LRRTM4: variants seen among roughly 807,000 people sequenced by gnomAD.
The protein encoded by LRRTM4 is leucine rich repeat transmembrane neuronal 4.
Under a neutral mutation model 47.6 loss-of-function variants are expected in LRRTM4, and 25 were observed. The ratio of observed to expected loss-of-function variants is 0.53; its 90% confidence interval spans 0.38 to 0.73. The LOEUF is 0.73. Ranked by LOEUF, LRRTM4 falls within the 30% of genes least tolerant of loss-of-function variation. The pLI is 0.00. For synonymous variants in LRRTM4, 311 were observed against 269.5 expected (o/e 1.15, Z -1.51); for missense variants, 638 against 713.4 (o/e 0.89, Z 1.20).
intron 3 of LRRTM4, among the ~76,000 whole-genome samples, chr2:77,445,885 T>G (rs1676032235): frequency 1.3e-5 from 2 of 152,026 alleles, no homozygotes; most frequent in African/African-American, 4.8e-5. Flanking sequence ...AAGTAAAACC[T>G]GCAAAAATAG....
At chr2:76,829,115 G>C (rs1422282539) in intron 3 of LRRTM4, among the ~76,000 whole-genome samples, 1 of 151,938 alleles carries the variant, frequency 6.6e-6, no homozygotes, top group African/African-American at 2.4e-5. Context: ...ATCAGGATTT[G>C]CATTTTCTGC....
At chr2:76,959,083 C>T (rs990548560) in intron 3 of LRRTM4, among the ~76,000 whole-genome samples, 2 of 151,644 alleles carry the variant, frequency 1.3e-5, no homozygotes, top group African/African-American at 4.8e-5. Flanking sequence ...CATAATCAGG[C>T]CTCTAAGCCC....
At chr2:77,025,192 A>AT (rs1347714154) in intron 3 of LRRTM4, among the ~76,000 whole-genome samples, 3 of 152,202 alleles carry the variant, frequency 2.0e-5, no homozygotes, top group Non-Finnish European at 2.9e-5. Context: ...GATCACATAT[A>AT]TTTAGCTGGA....
chr2:77,017,076 C>G (rs1485995867), intron 3 of LRRTM4, among the ~76,000 whole-genome samples: 1 of 152,112 alleles, frequency 6.6e-6, no homozygotes, highest in Non-Finnish European at 1.5e-5. Flanking sequence ...AGAAGCAACA[C>G]CTGGTTGCAG....
chr2:76,805,337 G>T (rs1453887411), intron 3 of LRRTM4, among the ~76,000 whole-genome samples: 2 of 152,090 alleles, frequency 1.3e-5, no homozygotes, highest in Admixed American at 6.6e-5. Context: ...CCAGTGAAAA[G>T]CAAGGGATAA....
chr2:77,470,330 G>A (rs1261979886), intron 3 of LRRTM4, among the ~76,000 whole-genome samples: 1 of 152,082 alleles, frequency 6.6e-6, no homozygotes, highest in Non-Finnish European at 1.5e-5. Context: ...TAAGAATTTT[G>A]GAAGGCACAC....
At chr2:77,456,513 C>T (rs996484843) in intron 3 of LRRTM4, among the ~76,000 whole-genome samples, 1 of 152,024 alleles carries the variant, frequency 6.6e-6, no homozygotes, top group Non-Finnish European at 1.5e-5. Context: ...TTGAGTTTAT[C>T]CTTATTCTCT....
chr2:77,396,337 C>A (rs1265543862), intron 3 of LRRTM4, among the ~76,000 whole-genome samples: 1 of 151,834 alleles, frequency 6.6e-6, no homozygotes, highest in African/African-American at 2.4e-5. Context: ...CCCCTCAAGG[C>A]ATTCATCATT....
intron 3 of LRRTM4, among the ~76,000 whole-genome samples, chr2:76,887,649 G>A (rs1341444678): frequency 7.8e-6 from 1 of 128,630 alleles, no homozygotes; most frequent in African/African-American, 3.0e-5. Context: ...TATACAGTGT[G>A]TATATATGTT....
intron 3 of LRRTM4, among the ~76,000 whole-genome samples, chr2:77,171,753 CTG>C (rs1673054965): frequency 6.6e-6 from 1 of 151,786 alleles, no homozygotes; most frequent in Non-Finnish European, 1.5e-5. Context: ...TTCAAGGCAA[CTG>C]TATTTTTTAA....
At chr2:76,805,960 G>A (rs1007751797) in intron 3 of LRRTM4, among the ~76,000 whole-genome samples, 2 of 152,032 alleles carry the variant, frequency 1.3e-5, no homozygotes, top group African/African-American at 2.4e-5. Flanking sequence ...TTTCTATCTC[G>A]AAGGACCACA....
At chr2:77,461,881 T>A (rs534939724) in intron 3 of LRRTM4, among the ~76,000 whole-genome samples, 1 of 152,268 alleles carries the variant, frequency 6.6e-6, no homozygotes, top group African/African-American at 2.4e-5. Context: ...TATTTTTGGC[T>A]TTGTCTGCTT....
intron 3 of LRRTM4, among the ~76,000 whole-genome samples, chr2:77,181,095 T>C (rs748714639): frequency 6.6e-6 from 1 of 152,152 alleles, no homozygotes; most frequent in African/African-American, 2.4e-5. Flanking sequence ...TGAGTAGAAA[T>C]TGATTCTAGC....
chr2:77,190,722 C>A (rs536850781), intron 3 of LRRTM4, among the ~76,000 whole-genome samples: 2 of 152,216 alleles, frequency 1.3e-5, no homozygotes, highest in African/African-American at 4.8e-5. Flanking sequence ...CTAATTGCTA[C>A]AAATATATAC....
intron 3 of LRRTM4, among the ~76,000 whole-genome samples, chr2:77,277,044 A>C (rs1215738036): frequency 6.6e-6 from 1 of 151,914 alleles, no homozygotes; most frequent in African/African-American, 2.4e-5. Flanking sequence ...TTTAAAAAAC[A>C]CTAGGTAAGG....
At chr2:76,760,613 A>G (rs985599272) in intron 3 of LRRTM4, among the ~76,000 whole-genome samples, 1 of 152,022 alleles carries the variant, frequency 6.6e-6, no homozygotes, top group African/African-American at 2.4e-5. Flanking sequence ...AAAGCTACTC[A>G]TTGTCAAATC....
rs1307396123 is a variant in LRRTM4 at position 77,074,943 on chromosome 2, C to G, written c.1552-326027G>C. 2.6e-5 allele frequency among the ~76,000 whole-genome samples: 4 copies of G among 151,916 alleles called. No homozygotes were observed. The South Asian group carries it at 8.3e-4, about 31-fold the overall frequency. ...TTTCCAAGATAACAAGATATTTTTT[C>G]TATGTTTTTGTTAGCATTTCTGTGG... On this transcript the variant is annotated intron_variant, in intron 3 of 3. Coordinates refer to ENST00000409884, the MANE Select transcript of LRRTM4 (RefSeq NM_001134745.3).
At position 77,461,903 on chromosome 2, in the gene LRRTM4, A is replaced by G. The variant is rs573274423; in HGVS notation, c.1551+56415T>C. ...GGCTTTGTCTGCTTTCTTTTAGCAA[A>G]AACTGGTTGTTTTGCTCTTTCTGTA... On this transcript the variant is annotated intron_variant, in intron 3 of 3. Transcript: ENST00000409884. 3.9e-5 allele frequency among the ~76,000 whole-genome samples: 6 copies of G among 152,170 alleles called. No individual in the cohort carries two copies. The East Asian group carries it at 1.2e-3, about 29-fold the overall frequency.
chr2:77,477,836 C>T (rs1573467629), intron 3 of LRRTM4, among the ~76,000 whole-genome samples: 2 of 79,282 alleles, frequency 2.5e-5, no homozygotes, highest in Non-Finnish European at 5.0e-5. Flanking sequence ...TGGAGCAAAA[C>T]TCCATCAAAA....
Sources: allele counts gnomAD v4.1 joint callset (sites outside exome capture counted in the v4.1 genomes callset), GRCh38; gene constraint gnomAD v4.1.1; transcripts MANE v1.5; gene names NCBI Gene and HGNC (gene_info 2026-07-23, HGNC 2026-07-21).